The following CTNNA2 variants were observed in gnomAD, a reference collection of about 807,000 sequenced individuals.
The protein encoded by CTNNA2 is catenin alpha-2.
In CTNNA2, 42 loss-of-function variants were observed where a neutral mutation model predicts 101.0. The ratio of observed to expected loss-of-function variants is 0.42; its 90% confidence interval spans 0.32 to 0.54. The LOEUF (loss-of-function observed/expected upper bound fraction) is 0.54, where lower values mean the gene tolerates loss of function less well. Ranked by LOEUF, CTNNA2 falls within the 20% of genes least tolerant of loss-of-function variation. The pLI, the probability that CTNNA2 is intolerant of heterozygous loss-of-function variation, is 0.14. For missense variants in CTNNA2, 871 were observed against 1,223.1 expected, an observed-to-expected ratio of 0.71 and a Z score of 4.29; for synonymous variants, 450 against 456.4, an observed-to-expected ratio of 0.99 and a Z score of 0.18.
intron 9 of CTNNA2, among the ~76,000 whole-genome samples, chr2:80,517,590 C>T (rs569491337): frequency 6.6e-6 from 1 of 152,260 alleles, no homozygotes; most frequent in South Asian, 2.1e-4. Context: ...AACTGTATAC[C>T]TTTTGCCAGG....
At chr2:79,429,763 G>C (rs1022721754) in intron 4 of CTNNA2, among the ~76,000 whole-genome samples, 3 of 152,134 alleles carry the variant, frequency 2.0e-5, no homozygotes, top group Non-Finnish European at 2.9e-5. Flanking sequence ...TTGAGAGAAG[G>C]AACTGAGAAA....
chr2:80,101,747 G>A (rs1233081451), intron 7 of CTNNA2, among the ~76,000 whole-genome samples: 1 of 152,156 alleles, frequency 6.6e-6, no homozygotes, highest in Non-Finnish European at 1.5e-5. Flanking sequence ...TGATCAGTGT[G>A]TATTTAAGGG....
chr2:79,227,116 C>T (rs1274309576), intron 2 of CTNNA2, among the ~76,000 whole-genome samples: 1 of 152,074 alleles, frequency 6.6e-6, no homozygotes, highest in Non-Finnish European at 1.5e-5. Flanking sequence ...CCCTTCATAC[C>T]TCAGAGTAAA....
intron 7 of CTNNA2, among the ~76,000 whole-genome samples, chr2:79,942,125 A>G (rs1416283014): frequency 3.9e-5 from 6 of 152,160 alleles, no homozygotes; most frequent in African/African-American, 1.4e-4. Flanking sequence ...ATGGGGAGAA[A>G]CCATTATTAA....
At chr2:79,624,838 T>C (rs895109618) in intron 1 of CTNNA2, among the ~76,000 whole-genome samples, 7 of 151,966 alleles carry the variant, frequency 4.6e-5, no homozygotes, top group Non-Finnish European at 1.0e-4. Context: ...TGTGTGGGTA[T>C]GTGTGATGTA....
At chr2:80,525,843 G>A (rs555242129) in intron 9 of CTNNA2, among the ~76,000 whole-genome samples, 4 of 152,260 alleles carry the variant, frequency 2.6e-5, no homozygotes, top group East Asian at 1.9e-4. Context: ...GGTGCAATAC[G>A]TGTGCCTGGG....
chr2:80,034,507 C>T (rs560782488), intron 7 of CTNNA2, among the ~76,000 whole-genome samples: 32 of 152,052 alleles, frequency 2.1e-4, no homozygotes, highest in Middle Eastern at 3.4e-3. Context: ...GCAACCACCA[C>T]CACTCCTGGC....
At position 79,319,561 on chromosome 2, in the gene CTNNA2, T is replaced by TAAAA. The variant is rs66938459; in HGVS notation, c.-318+6772_-318+6775dup. ...GTAAACTTAATGCAGGTAATTTATT[T>TAAAA]AAAAAAAAAAGCAGTGACTGAGCTG... is the stretch of plus-strand genomic sequence containing the variant. On this transcript the variant is annotated intron_variant, in intron 3 of 21. Transcript: ENST00000466387. Among the ~76,000 whole-genome samples the TAAAA allele has an allele frequency of 3.7e-3, 547 of 149,478 alleles. 2 individuals are homozygous for TAAAA. The highest frequency in any genetic ancestry group is 0.013 in the African/African-American group (520 of 40,840).
intron 4 of CTNNA2, among the ~76,000 whole-genome samples, chr2:79,457,038 A>G (rs1267314251): frequency 1.3e-5 from 2 of 151,490 alleles, no homozygotes; most frequent in Non-Finnish European, 3.0e-5. Flanking sequence ...CGTCACTACT[A>G]AAATACAAAA....
intron 2 of CTNNA2, among the ~76,000 whole-genome samples, chr2:79,719,608 T>A (rs1686344315): frequency 6.6e-6 from 1 of 152,188 alleles, no homozygotes; most frequent in East Asian, 1.9e-4. Flanking sequence ...TATGAGATGT[T>A]ATCTCATTAT....
At chr2:79,525,408 A>G (rs927094082) in intron 1 of CTNNA2, among the ~76,000 whole-genome samples, 1 of 151,962 alleles carries the variant, frequency 6.6e-6, no homozygotes, top group Non-Finnish European at 1.5e-5. Context: ...TTGAATTGTA[A>G]TTGTTCATCT....
At chr2:80,116,598 G>A (rs1701537233) in intron 7 of CTNNA2, among the ~76,000 whole-genome samples, 1 of 152,126 alleles carries the variant, frequency 6.6e-6, no homozygotes, top group Admixed American at 6.5e-5. Context: ...TAGAGATTAT[G>A]AGAACTTGGG....
chr2:79,615,359 A>C (rs1479369948), intron 1 of CTNNA2, among the ~76,000 whole-genome samples: 1 of 152,138 alleles, frequency 6.6e-6, no homozygotes, highest in African/African-American at 2.4e-5. Flanking sequence ...TTTCTGAAAA[A>C]ATGCATTTAA....
At position 79,903,103 on chromosome 2, in the gene CTNNA2, C is replaced by T. The variant is rs948868998; in HGVS notation, c.853-6491C>T. On this transcript the variant is annotated intron_variant, in intron 6 of 18. Coordinates refer to ENST00000402739, the MANE Select transcript of CTNNA2 (RefSeq NM_001282597.3). Reference sequence around the variant, plus strand: ...TATTTGCAAAGTAGGAGTTTGACTCCTAGGATGTAGTTTGCTGATATCTGC... The same window carrying T: ...TATTTGCAAAGTAGGAGTTTGACTCTTAGGATGTAGTTTGCTGATATCTGC... Among the ~76,000 whole-genome samples the T allele has an allele frequency of 5.3e-5, 8 of 152,092 alleles. No individual in the cohort carries two copies. In the East Asian group the frequency reaches 9.6e-4, roughly 18 times the overall value.
intron 2 of CTNNA2, among the ~76,000 whole-genome samples, chr2:79,665,120 A>G (rs971216095): frequency 1.3e-5 from 2 of 152,042 alleles, no homozygotes; most frequent in African/African-American, 4.8e-5. Context: ...TTCAATCTCT[A>G]AAACCCTGGG....
chr2:80,614,813 T>G (rs1410671063), intron 17 of CTNNA2, among the ~76,000 whole-genome samples: 2 of 151,418 alleles, frequency 1.3e-5, no homozygotes, highest in Non-Finnish European at 3.0e-5. Flanking sequence ...ATGTAATGTT[T>G]CCTTACATTG....
At chr2:79,282,386 T>A (rs1352941693) in intron 2 of CTNNA2, among the ~76,000 whole-genome samples, 1 of 152,154 alleles carries the variant, frequency 6.6e-6, no homozygotes, top group Non-Finnish European at 1.5e-5. Context: ...TAGGTATATC[T>A]CCCAGTGCTA....
intron 4 of CTNNA2, among the ~76,000 whole-genome samples, chr2:79,478,230 A>G (rs1671073771): frequency 6.6e-6 from 1 of 152,214 alleles, no homozygotes; most frequent in Admixed American, 6.5e-5. Flanking sequence ...TGCGTGCTCA[A>G]CAAACCCATT....
At chr2:80,317,671 C>T (rs946706143) in intron 7 of CTNNA2, among the ~76,000 whole-genome samples, 3 of 152,098 alleles carry the variant, frequency 2.0e-5, no homozygotes, top group African/African-American at 7.2e-5. Context: ...TTGCTGTTTG[C>T]GTAGAAAAAG....
Sources: allele counts gnomAD v4.1 joint callset (sites outside exome capture counted in the v4.1 genomes callset), GRCh38; gene constraint gnomAD v4.1.1; transcripts MANE v1.5; gene names NCBI Gene and HGNC (gene_info 2026-07-23, HGNC 2026-07-21).